Variants in TFRC observed in about 807,000 individuals in gnomAD.
TFRC encodes the protein transferrin receptor protein 1.
In TFRC, 35 loss-of-function variants were observed where a neutral mutation model predicts 85.8. The ratio of observed to expected loss-of-function variants is 0.41; its 90% CI spans 0.31 to 0.54. The LOEUF (loss-of-function observed/expected upper bound fraction) is 0.54, where lower values mean the gene tolerates loss of function less well. Ranked by LOEUF, TFRC falls within the 20% of genes least tolerant of loss-of-function variation. The pLI, the probability that TFRC is intolerant of heterozygous loss-of-function variation, is 0.31. For synonymous variants in TFRC, 362 were observed against 328.6 expected, an observed-to-expected ratio of 1.10 and a Z score of -1.10; for missense variants, 828 against 921.5, an observed-to-expected ratio of 0.90 and a Z score of 1.31.
At chr3:196,057,313 T>C (rs770816143) in intron 16 of TFRC, among the ~76,000 whole-genome samples, 4 of 152,212 alleles carry the variant, frequency 2.6e-5, no homozygotes, top group Admixed American at 6.5e-5. Flanking sequence ...TCTGTTCTAA[T>C]TACCGGTGCA....
At chr3:196,070,976 C>T (rs1462373028) in intron 6 of TFRC, among the ~76,000 whole-genome samples, 2 of 151,996 alleles carry the variant, frequency 1.3e-5, no homozygotes, top group Admixed American at 6.6e-5. Flanking sequence ...CAAGCATTAA[C>T]GAATCAAGCT....
chr3:196,055,547 C>T (rs188335998), intron 16 of TFRC: 111 of 556,004 alleles, frequency 2.0e-4, no homozygotes, highest in South Asian at 5.9e-4. Flanking sequence ...CCTGTTCTAT[C>T]GTATCATATG....
At chr3:196,080,355 C>T (rs1719062393) in intron 1 of TFRC, among the ~76,000 whole-genome samples, 1 of 152,180 alleles carries the variant, frequency 6.6e-6, no homozygotes, top group Non-Finnish European at 1.5e-5. Flanking sequence ...CCACCTGCCT[C>T]GGCCTCCCAA....
chr3:196,052,142 A>G lies in TFRC; in HGVS notation c.2083T>C (p.Ser695Pro), dbSNP rs748950805. Residue 695 changes from serine (S) to proline (P), a missense_variant, in exon 19 of 19, where the codon TCT becomes CCT. Physicochemically the swap from Ser to Pro is moderately conservative, Grantham distance 74. Transcript: ENST00000360110. ...CCCCAGAAGACATGTCGGAAAGGAG[A>G]CTCTTTTGGAGATACGTAGGGAGAG... ...FLSPYVSPKE[S>P]PFRHVFWGSG... The G allele has an allele frequency of 6.2e-7, 1 of 1,613,878 alleles. No individual in the cohort carries two copies. The highest frequency in any genetic ancestry group is 1.1e-5 in the South Asian group (1 of 91,076).
chr3:196,057,781 C>CAAAAAAAAAAAAAAAAAAAAAA (rs370832734), intron 16 of TFRC, among the ~76,000 whole-genome samples: 2 of 77,576 alleles, frequency 2.6e-5, no homozygotes, highest in African/African-American at 8.2e-5. Context: ...TCACCATTGT[C>CAAAAAAAAAAAAAAAAAAAAAA]AAAAAAAAAA....
chr3:196,072,492 T>C (rs898387472), intron 4 of TFRC, among the ~76,000 whole-genome samples: 4 of 152,190 alleles, frequency 2.6e-5, no homozygotes, highest in African/African-American at 4.8e-5. Flanking sequence ...ACAGAGTGCA[T>C]AGTTTCAATT....
intron 18 of TFRC, 40 bp from the exon 19 acceptor site, chr3:196,052,224 GAC>G (rs777760113): frequency 2.3e-5 from 37 of 1,580,664 alleles, no homozygotes; most frequent in Non-Finnish European, 3.2e-5. Context: ...ACAGCCCTGT[GAC>G]TTTTGTAGTA....
intron 13 of TFRC, among the ~76,000 whole-genome samples, chr3:196,061,379 C>T (rs1411242776): frequency 6.6e-6 from 1 of 152,100 alleles, no homozygotes; most frequent in Non-Finnish European, 1.5e-5. Flanking sequence ...ACCTGTAGTG[C>T]TTGTTAAAGT....
In TFRC at chr3:196,053,448, G is replaced by T; in HGVS notation, c.2010C>A (p.Val670=). The change falls in exon 18 of 19, where the codon GTC becomes GTA. Residue 670 remains valine (V), a synonymous_variant. Coordinates refer to ENST00000360110, the MANE Select transcript of TFRC (RefSeq NM_001128148.3). ...FGNAEKTDRF[V]MKKLNDRVMR... ...TGACACGATCATTGAGTTTCTTCAT[G>T]ACAAATCTGTCTGTTTTCTCAGCAT... 6.2e-7 allele frequency: 1 copy of T among 1,614,100 alleles called. No homozygotes were observed. The highest frequency in any genetic ancestry group is 1.1e-5 in the South Asian group (1 of 91,068).
chr3:196,067,461 G>T, intron 9 of TFRC, 57 bp downstream of exon 9: 3 of 1,535,618 alleles, frequency 2.0e-6, no homozygotes, highest in South Asian at 1.2e-5. Context: ...ACATATTACC[G>T]TTCTTCCCTA....
intron 10 of TFRC, 26 bp downstream of exon 10, chr3:196,065,416 GC>G (rs1717638191): frequency 2.7e-6 from 2 of 737,812 alleles, no homozygotes; most frequent in African/African-American, 3.2e-5. Flanking sequence ...AAAAAGCGGG[GC>G]GGGGGGGGGG....
At chr3:196,062,815 A>G (rs1446493197) in intron 12 of TFRC, 39 bp downstream of exon 12, 18 of 1,605,442 alleles carry the variant, frequency 1.1e-5, no homozygotes, top group Non-Finnish European at 1.5e-5. Flanking sequence ...CTAAGCCCAC[A>G]AGCTCGTGTC....
At chr3:196,076,964 A>G in intron 2 of TFRC, 100 bp downstream of exon 2, 1 of 1,118,980 alleles carries the variant, frequency 8.9e-7, no homozygotes, top group South Asian at 1.3e-5. Context: ...TGAATACCTG[A>G]TAATAGATTG....
chr3:196,066,680 A>G (rs949406240), intron 9 of TFRC, among the ~76,000 whole-genome samples: 1 of 152,186 alleles, frequency 6.6e-6, no homozygotes, highest in South Asian at 2.1e-4. Flanking sequence ...AGCGTTATCA[A>G]TAGTCATGGT....
intron 7 of TFRC, among the ~76,000 whole-genome samples, 200 bp from the exon 8 acceptor site, chr3:196,068,330 G>A (rs779668743): frequency 1.1e-4 from 17 of 152,120 alleles, no homozygotes; most frequent in Non-Finnish European, 2.4e-4. Flanking sequence ...TAAGAGTAAC[G>A]GGCCAGGAGT....
intron 2 of TFRC, among the ~76,000 whole-genome samples, chr3:196,076,451 CTTT>C (rs55649226): frequency 5.3e-5 from 7 of 132,550 alleles, no homozygotes; most frequent in Admixed American, 1.5e-4. Flanking sequence ...TCAGCCTTTG[CTTT>C]TTTTTTTTTT....
chr3:196,063,034 C>CAT, intron 11 of TFRC, 95 bp from the exon 12 acceptor site: 1 of 916,328 alleles, frequency 1.1e-6, no homozygotes, highest in Non-Finnish European at 1.6e-6. Context: ...AGGTCTAATT[C>CAT]CAAGATAGCA....
At chr3:196,060,094 C>T in intron 14 of TFRC, 86 bp downstream of exon 14, 1 of 1,042,412 alleles carries the variant, frequency 9.6e-7, no homozygotes, top group Non-Finnish European at 1.4e-6. Flanking sequence ...TTGTTACTGA[C>T]TACGGTTTAC....
chr3:196,079,170 G>A (rs1358512945), intron 1 of TFRC, among the ~76,000 whole-genome samples: 1 of 152,108 alleles, frequency 6.6e-6, no homozygotes, highest in Admixed American at 6.5e-5. Flanking sequence ...AGAACAGTAA[G>A]GACCCAATCA....
Sources: gnomAD v4.1 joint callset for allele counts (sites outside exome capture counted in the v4.1 genomes callset) on GRCh38, gnomAD v4.1.1 for gene constraint, MANE v1.5 for transcripts, NCBI Gene and HGNC (gene_info 2026-07-23, HGNC 2026-07-21) for gene names.